Variants in MAPT observed in about 807,000 individuals in gnomAD.
The protein encoded by MAPT is microtubule associated protein tau.
In MAPT, 34 loss-of-function variants were observed where a neutral mutation model predicts 67.9. The ratio of observed to expected loss-of-function variants is 0.50; its 90% CI spans 0.38 to 0.67. The LOEUF is 0.67. Among genes scored for constraint, MAPT ranks in the 30% least tolerant of loss-of-function variants. The pLI is 0.00. For synonymous variants in MAPT, 456 were observed against 464.5 expected, an observed-to-expected ratio of 0.98 and a Z score of 0.23; for missense variants, 881 against 1,115.2, an observed-to-expected ratio of 0.79 and a Z score of 2.99.
chr17:45,909,700 G>A (rs150435303), intron 1 of MAPT, among the ~76,000 whole-genome samples: 5 of 152,170 alleles, frequency 3.3e-5, no homozygotes, highest in African/African-American at 9.6e-5. Flanking sequence ...GTGAAACCCC[G>A]TGTCTACTAA....
At chr17:45,917,989 G>A (rs1317020506) in intron 1 of MAPT, among the ~76,000 whole-genome samples, 2 of 152,132 alleles carry the variant, frequency 1.3e-5, no homozygotes, top group African/African-American at 2.4e-5. Flanking sequence ...GGCCAGGCTG[G>A]TCTCAAACTC....
intron 9 of MAPT, among the ~76,000 whole-genome samples, chr17:45,998,282 G>A (rs2145858045): frequency 6.6e-6 from 1 of 152,136 alleles, no homozygotes; most frequent in Admixed American, 6.5e-5. Context: ...ACAAGCTTGT[G>A]AGTGCAGTGT....
At chr17:45,927,449 T>G (rs979573148) in intron 1 of MAPT, among the ~76,000 whole-genome samples, 3 of 152,046 alleles carry the variant, frequency 2.0e-5, no homozygotes, top group African/African-American at 7.2e-5. Context: ...ACGGCCAAAG[T>G]CCACCCTGGG....
chr17:46,003,332 G>A (rs1014702167), intron 9 of MAPT, among the ~76,000 whole-genome samples: 2 of 151,934 alleles, frequency 1.3e-5, no homozygotes, highest in African/African-American at 2.4e-5. Flanking sequence ...AGGCTGGAGT[G>A]CAGTGGTGCA....
intron 10 of MAPT, among the ~76,000 whole-genome samples, chr17:46,012,268 C>T (rs769447647): frequency 2.0e-5 from 3 of 152,180 alleles, no homozygotes; most frequent in Non-Finnish European, 4.4e-5. Context: ...AAAGACGCTG[C>T]AGTGCCCAGG....
chr17:46,006,439 G>A (rs2145962127), intron 9 of MAPT, among the ~76,000 whole-genome samples: 1 of 152,198 alleles, frequency 6.6e-6, no homozygotes, highest in East Asian at 1.9e-4. Context: ...GAGGAGGGTG[G>A]AGGGGAGCAG....
At chr17:46,015,456 T>C (rs760378896) in intron 11 of MAPT, among the ~76,000 whole-genome samples, 3 of 151,608 alleles carry the variant, frequency 2.0e-5, no homozygotes, top group Admixed American at 6.6e-5. Context: ...TCAGGAGATA[T>C]AGACCATCCT....
At chr17:45,899,766 A>G (rs1174932573) in intron 1 of MAPT, among the ~76,000 whole-genome samples, 2 of 152,208 alleles carry the variant, frequency 1.3e-5, no homozygotes, top group African/African-American at 2.4e-5. Context: ...TCAATTTCTT[A>G]TCTGGCCCCG....
intron 4 of MAPT, among the ~76,000 whole-genome samples, chr17:45,981,533 A>G (rs1002696656): frequency 6.6e-6 from 1 of 152,124 alleles, no homozygotes; most frequent in Admixed American, 6.5e-5. Context: ...ACGGGGGCCT[A>G]CCTCACCTGT....
At chr17:45,982,371 A>C in intron 4 of MAPT, among the ~76,000 whole-genome samples, 1 of 150,776 alleles carries the variant, frequency 6.6e-6, no homozygotes, top group South Asian at 2.1e-4. Flanking sequence ...AGTGAGAGGT[A>C]GGGAGAGGAA....
chr17:45,904,273 T>TATATA (rs1344204102), intron 1 of MAPT, among the ~76,000 whole-genome samples: 63 of 45,068 alleles, frequency 1.4e-3, no homozygotes, highest in African/African-American at 4.1e-3. Context: ...TATATATATT[T>TATATA]TTATATATAT....
In MAPT at chr17:45,990,013, A is replaced by G. The variant is rs1420374757; in HGVS notation, c.1543A>G (p.Lys515Glu). The change falls in exon 7 of 13, where the codon AAA (lysine) becomes GAA (glutamate). Residue 515 changes from lysine (K) to glutamate (E), a missense_variant. Around this residue, in one of 6 missense-constraint regions of MAPT, gnomAD observed 687 missense variants for 766.1 expected, o/e 0.90. Transcript: ENST00000262410. ...AVCPEPPSSP[K>E]YVSSVTSRTG... is the part of the protein sequence containing the mutation. ...GTGCCCAGAGCCACCTTCCTCTCCT[A>G]AATACGTCTCTTCTGTCACTTCCCG... is the stretch of plus-strand genomic sequence containing the variant. 1.2e-6 allele frequency: 2 copies of G among 1,614,060 alleles called. No homozygotes were observed. The highest frequency in any genetic ancestry group is 1.7e-6 in the Non-Finnish European group (2 of 1,180,032).
intron 8 of MAPT, among the ~76,000 whole-genome samples, chr17:45,992,391 C>A (rs2074128758): frequency 6.6e-6 from 1 of 152,180 alleles, no homozygotes; most frequent in South Asian, 2.1e-4. Flanking sequence ...CTGGATAAGT[C>A]ACAATGGGTG....
At chr17:45,894,816 C>G (rs2063047047) in intron 1 of MAPT, 130 bp downstream of exon 1, 1 of 152,530 alleles carries the variant, frequency 6.6e-6, no homozygotes, top group Non-Finnish European at 1.5e-5. Context: ...ACCGCAGGGC[C>G]CCTCCCTGCC....
intron 11 of MAPT, among the ~76,000 whole-genome samples, chr17:46,014,571 CAGAA>C (rs2076030062): frequency 6.6e-6 from 1 of 152,128 alleles, no homozygotes; most frequent in Non-Finnish European, 1.5e-5. Context: ...AAGGCAGGCA[CAGAA>C]AGAAAGCACA....
chr17:45,907,353 G>A (rs972553231), intron 1 of MAPT, among the ~76,000 whole-genome samples: 3 of 152,126 alleles, frequency 2.0e-5, no homozygotes, highest in Non-Finnish European at 4.4e-5. Flanking sequence ...CAGAGGCTAC[G>A]CGTTTCCTCT....
chr17:46,023,405 G>A (rs1252467053), intron 12 of MAPT, among the ~76,000 whole-genome samples: 1 of 152,252 alleles, frequency 6.6e-6, no homozygotes, highest in Non-Finnish European at 1.5e-5. Context: ...ACTCACACGT[G>A]TTTGTTTATG....
Position 45,983,886 on chromosome 17 carries a change from C to T in MAPT, c.1307C>T (p.Ala436Val). The T allele has an allele frequency of 6.3e-7, 1 of 1,592,378 alleles. No individual in the cohort carries two copies. Among genetic ancestry groups the T allele is most frequent in the African/African-American group, 1.4e-5 (1 of 73,510 alleles). Residue 436 changes from alanine (A) to valine (V), a missense_variant, in exon 5 of 13, where the codon GCT (alanine) becomes GTT (valine). Physicochemically the swap from Ala to Val is moderately conservative, Grantham distance 64 (BLOSUM62 0). Around this residue, in one of 6 missense-constraint regions of MAPT, gnomAD observed 687 missense variants for 766.1 expected, o/e 0.90. Coordinates refer to ENST00000262410, the MANE Select transcript of MAPT (RefSeq NM_001377265.1). ...LPEPSEKQPA[A>V]APRGKPVSRV... ...GAGCCCTCTGAAAAGCAGCCTGCTG[C>T]TGCTCCGCGGGGGAAGCCCGTCAGC...
intron 1 of MAPT, among the ~76,000 whole-genome samples, chr17:45,942,174 ATATACTCTAG>A (rs1448615639): frequency 6.6e-5 from 10 of 152,228 alleles, no homozygotes; most frequent in African/African-American, 2.4e-4. Flanking sequence ...TGTTGGGCAT[ATATACTCTAG>A]TTTGTTTATT....
Sources: gnomAD v4.1 joint callset for allele counts (sites outside exome capture counted in the v4.1 genomes callset) on GRCh38, gnomAD v4.1.1 for gene constraint, gnomAD v4.1.1 regional missense constraint, MANE v1.5 for transcripts, NCBI Gene and HGNC (gene_info 2026-07-23, HGNC 2026-07-21) for gene names.